PCDHGA3: variants seen among roughly 807,000 people sequenced by gnomAD.
The protein encoded by PCDHGA3 is protocadherin gamma-A3.
A neutral mutation model predicts 58.5 loss-of-function variants in PCDHGA3; 40 were observed. That is an observed-to-expected ratio of 0.68 (90% confidence interval 0.53 to 0.89). The LOEUF is 0.89. Ranked by LOEUF, PCDHGA3 falls within the 40% of genes least tolerant of loss-of-function variation. PCDHGA3 has a pLI of 0.00. For synonymous variants in PCDHGA3, 530 were observed against 525.7 expected (o/e 1.01, Z -0.11); for missense variants, 1,223 against 1,195.9 (o/e 1.02, Z -0.33).
At chr5:141,483,640 G>T (rs1406049976) in intron 1 of PCDHGA3, among the ~76,000 whole-genome samples, 3 of 144,232 alleles carry the variant, frequency 2.1e-5, no homozygotes, top group Non-Finnish European at 4.5e-5. Flanking sequence ...GTATAGAGGG[G>T]TGTGTGTTTG....
At chr5:141,481,533 T>TG (rs1246139713) in intron 1 of PCDHGA3, among the ~76,000 whole-genome samples, 2 of 152,200 alleles carry the variant, frequency 1.3e-5, no homozygotes, top group Admixed American at 6.5e-5. Context: ...AATCTAGAGA[T>TG]GGGGCTGGGC....
chr5:141,508,451 C>T (rs1245251907), intron 3 of PCDHGA3, among the ~76,000 whole-genome samples: 1 of 152,180 alleles, frequency 6.6e-6, no homozygotes, highest in Admixed American at 6.5e-5. Flanking sequence ...AGTGGCAGAG[C>T]AGAGCAAATA....
chr5:141,502,308 C>T (rs928137926), intron 2 of PCDHGA3, among the ~76,000 whole-genome samples: 2 of 151,586 alleles, frequency 1.3e-5, no homozygotes, highest in Non-Finnish European at 2.9e-5. Flanking sequence ...CTTTCCTCTC[C>T]TTTAATCTGG....
chr5:141,397,862 G>A (rs956658469), intron 1 of PCDHGA3: 5 of 566,952 alleles, frequency 8.8e-6, no homozygotes, highest in African/African-American at 7.5e-5. Flanking sequence ...TAGTTTCCTA[G>A]TGCTGACTCT....
At chr5:141,352,662 C>G in intron 1 of PCDHGA3, 2 of 1,591,142 alleles carry the variant, frequency 1.3e-6, no homozygotes, top group Non-Finnish European at 1.7e-6. Context: ...CCTTCTTTGT[C>G]TTCGCACGTG....
At chr5:141,361,594 G>A in intron 1 of PCDHGA3, 1 of 1,614,056 alleles carries the variant, frequency 6.2e-7, no homozygotes, top group East Asian at 2.2e-5. Flanking sequence ...CAGTGGCCAA[G>A]TTTCCTACTC....
intron 1 of PCDHGA3, among the ~76,000 whole-genome samples, chr5:141,443,690 A>C (rs2098399415): frequency 6.6e-6 from 1 of 152,224 alleles, no homozygotes; most frequent in Non-Finnish European, 1.5e-5. Flanking sequence ...AACACTTCAA[A>C]AATTATAGAA....
In PCDHGA3 at chr5:141,414,114, T is replaced by C. The variant is rs145910780; in HGVS notation, c.2424+67657T>C. The C allele has an allele frequency of 2.0e-5, 32 of 1,592,348 alleles. 2 individuals carry two copies. In the East Asian group the frequency reaches 6.3e-4, roughly 32 times the overall value. ...TAAAAATATCAGAAAATCTAGATTA[T>C]GAAGAAACCGGTTTCTATGAAATAG... On this transcript the variant is annotated intron_variant, in intron 1 of 3. Coordinates refer to ENST00000253812, the MANE Select transcript of PCDHGA3 (RefSeq NM_018916.4).
At chr5:141,399,205 A>G (rs1344993471) in intron 1 of PCDHGA3, 1 of 1,613,982 alleles carries the variant, frequency 6.2e-7, no homozygotes, top group Admixed American at 1.7e-5. Flanking sequence ...GGTGCCTGGA[A>G]CACTAATTGC....
intron 1 of PCDHGA3, chr5:141,404,057 T>C (rs558471539): frequency 1.2e-5 from 19 of 1,613,894 alleles, no homozygotes; most frequent in Non-Finnish European, 1.4e-5. Context: ...AATTCTTCTT[T>C]TCAATGCTCA....
At chr5:141,437,561 C>G (rs1228292384) in intron 1 of PCDHGA3, among the ~76,000 whole-genome samples, 1 of 152,110 alleles carries the variant, frequency 6.6e-6, no homozygotes, top group Non-Finnish European at 1.5e-5. Context: ...TGACATGTAA[C>G]AGAGTATAGC....
intron 1 of PCDHGA3, chr5:141,351,757 C>T (rs1758808833): frequency 2.5e-6 from 4 of 1,613,638 alleles, no homozygotes; most frequent in East Asian, 2.2e-5. Context: ...AGCTGTTGTC[C>T]TACGTGTCCG....
chr5:141,416,178 C>G (rs1392436592), intron 1 of PCDHGA3: 3 of 152,408 alleles, frequency 2.0e-5, no homozygotes, highest in African/African-American at 2.4e-5. Context: ...CTAAGTTTTT[C>G]ATTAATATTG....
chr5:141,376,701 A>G (rs1226810157), intron 1 of PCDHGA3: 2 of 567,970 alleles, frequency 3.5e-6, no homozygotes, highest in African/African-American at 3.9e-5. Context: ...TTTTTTTGAG[A>G]CGGAGTCTCG....
In PCDHGA3 at chr5:141,476,933, GA is replaced by G; in HGVS notation, c.2425-17872del. 1 of 1,614,176 alleles carries G rather than the reference GA, an allele frequency of 6.2e-7. No individual in the cohort carries two copies. Reference sequence around the variant, plus strand: ...ACAAGTCCTTGCAACGGATCTGGATGAAGGCCCCAACGGTGAAATTATTTAC... The same window carrying G: ...ACAAGTCCTTGCAACGGATCTGGATGAGGCCCCAACGGTGAAATTATTTAC... On this transcript the variant is annotated intron_variant, in intron 1 of 3. Transcript: ENST00000253812. This position sits in a 1 kb window ranked among gnomAD's most constrained non-coding sequence, Gnocchi z 7.6.
intron 1 of PCDHGA3, among the ~76,000 whole-genome samples, chr5:141,436,793 C>A (rs752376420): frequency 6.6e-6 from 1 of 152,178 alleles, no homozygotes; most frequent in Non-Finnish European, 1.5e-5. Context: ...TAAAACTGTT[C>A]TAAAATTTTT....
At chr5:141,357,161 T>C in intron 1 of PCDHGA3, 1 of 1,613,630 alleles carries the variant, frequency 6.2e-7, no homozygotes, top group East Asian at 2.2e-5. Context: ...CAGCCCCCTC[T>C]CTCGGCCACC....
intron 1 of PCDHGA3, chr5:141,394,693 G>T (rs1310404999): frequency 1.2e-6 from 2 of 1,612,890 alleles, no homozygotes; most frequent in African/African-American, 1.3e-5. Context: ...GGCGAGGTGC[G>T]CACGGCGCGA....
intron 1 of PCDHGA3, chr5:141,385,074 G>T: frequency 1.2e-6 from 2 of 1,614,192 alleles, no homozygotes; most frequent in African/African-American, 1.3e-5. Context: ...CACGCCTGCT[G>T]CAGGCTTCAG....
Sources: gnomAD v4.1 joint callset for allele counts (sites outside exome capture counted in the v4.1 genomes callset) on GRCh38, gnomAD v4.1.1 for gene constraint, Gnocchi (gnomAD v3.1) non-coding constraint, MANE v1.5 for transcripts, NCBI Gene and HGNC (gene_info 2026-07-23, HGNC 2026-07-21) for gene names.